Variants in ALK observed in about 807,000 individuals in gnomAD.
ALK encodes ALK tyrosine kinase receptor.
A neutral mutation model predicts 163.1 loss-of-function variants in ALK; 74 were observed. That is an observed-to-expected ratio of 0.45 (90% CI 0.38 to 0.55). The LOEUF is 0.55. Ranked by LOEUF, ALK falls within the 20% of genes least tolerant of loss-of-function variation. ALK has a pLI of 0.00. For missense variants in ALK, 2,063 were observed against 2,105.3 expected (o/e 0.98, Z 0.39); for synonymous variants, 960 against 843.2 (o/e 1.14, Z -2.40).
chr2:29,708,579 ACT>A (rs1403265287), intron 2 of ALK, among the ~76,000 whole-genome samples: 4 of 151,966 alleles, frequency 2.6e-5, no homozygotes, highest in Non-Finnish European at 5.9e-5. Context: ...GGGCAGCAAA[ACT>A]CTGCTGGGCT....
At chr2:29,502,411 C>T (rs1016220032) in intron 4 of ALK, among the ~76,000 whole-genome samples, 3 of 152,162 alleles carry the variant, frequency 2.0e-5, no homozygotes, top group Admixed American at 6.5e-5. Flanking sequence ...CTCTTGAAAT[C>T]CTTCTCTTGA....
intron 1 of ALK, among the ~76,000 whole-genome samples, chr2:29,859,597 T>A (rs1050504017): frequency 6.6e-6 from 1 of 151,584 alleles, no homozygotes; most frequent in Non-Finnish European, 1.5e-5. Flanking sequence ...GTGAAGGTAA[T>A]GGCAGAGAAA....
intron 3 of ALK, among the ~76,000 whole-genome samples, chr2:29,650,715 C>A (rs1558425866): frequency 1.3e-5 from 2 of 152,054 alleles, no homozygotes; most frequent in Non-Finnish European, 1.5e-5. Flanking sequence ...ATGAGGTCTC[C>A]GTGTTAACAG....
chr2:29,878,315 G>A (rs1194072381), intron 1 of ALK, among the ~76,000 whole-genome samples: 1 of 152,160 alleles, frequency 6.6e-6, no homozygotes, highest in African/African-American at 2.4e-5. Flanking sequence ...TCTCTAGGAG[G>A]TTGATTGAAA....
chr2:29,391,584 G>T (rs1317625412), intron 4 of ALK, among the ~76,000 whole-genome samples: 1 of 152,092 alleles, frequency 6.6e-6, no homozygotes, highest in African/African-American at 2.4e-5. Context: ...TGGGGTTACA[G>T]CCATGAGCCA....
chr2:29,514,930 A>C (rs1672622665), intron 4 of ALK, among the ~76,000 whole-genome samples: 1 of 152,156 alleles, frequency 6.6e-6, no homozygotes, highest in South Asian at 2.1e-4. Context: ...TTCCATCCTT[A>C]AACTCTACAT....
chr2:29,509,221 CT>C (rs1180610129), intron 4 of ALK, among the ~76,000 whole-genome samples: 1 of 152,130 alleles, frequency 6.6e-6, no homozygotes. Flanking sequence ...ACAATTCTAG[CT>C]TTGACCTTTT....
At chr2:29,892,763 T>C (rs565814835) in intron 1 of ALK, among the ~76,000 whole-genome samples, 16 of 152,292 alleles carry the variant, frequency 1.1e-4, no homozygotes, top group South Asian at 1.0e-3. Flanking sequence ...GCAATGAGAA[T>C]GCATCTTCTT....
At chr2:29,358,701 T>A (rs1668313894) in intron 5 of ALK, among the ~76,000 whole-genome samples, 1 of 152,206 alleles carries the variant, frequency 6.6e-6, no homozygotes, top group Non-Finnish European at 1.5e-5. Context: ...CATCTGCACC[T>A]CCAGAAAATA....
At position 29,232,459 on chromosome 2, in the gene ALK, G is replaced by T; in HGVS notation, c.2488-11C>A. On this transcript the variant is annotated splice_polypyrimidine_tract_variant and intron_variant, in intron 14 of 28. Transcript: ENST00000389048. ...CACTCCATCCTTCATCTGACCAGGG[G>T]AGACATTCAGACATTGAGAAACCGA... The T allele has an allele frequency of 6.2e-7, 1 of 1,614,212 alleles. No homozygotes were observed. The highest frequency in any genetic ancestry group is 8.5e-7 in the Non-Finnish European group (1 of 1,180,034).
At chr2:29,687,222 C>T (rs1402224765) in intron 3 of ALK, among the ~76,000 whole-genome samples, 1 of 151,898 alleles carries the variant, frequency 6.6e-6, no homozygotes, top group Non-Finnish European at 1.5e-5. Context: ...TGGGTATATT[C>T]CTGAGCCTGC....
chr2:29,195,347 C>T (rs1668996848), intron 28 of ALK, among the ~76,000 whole-genome samples: 1 of 152,126 alleles, frequency 6.6e-6, no homozygotes, highest in African/African-American at 2.4e-5. Flanking sequence ...AATGCCAGTT[C>T]ACTCACGTGA....
chr2:29,461,771 C>A (rs148853816), intron 4 of ALK, among the ~76,000 whole-genome samples: 1 of 151,996 alleles, frequency 6.6e-6, no homozygotes, highest in Admixed American at 6.6e-5. Flanking sequence ...CCATTGATCA[C>A]GAAGTAATTT....
chr2:29,731,266 GT>G (rs1382539355), intron 1 of ALK, among the ~76,000 whole-genome samples: 1 of 152,186 alleles, frequency 6.6e-6, no homozygotes, highest in Non-Finnish European at 1.5e-5. Context: ...AGCCTCATCT[GT>G]CATCATACAA....
chr2:29,197,445 T>C (rs2148142886), intron 27 of ALK, 97 bp downstream of exon 27: 1 of 1,569,602 alleles, frequency 6.4e-7, no homozygotes, highest in South Asian at 1.2e-5. Context: ...GGCAGCCATC[T>C]GCCCCTTCAT....
rs1041815458 is a variant in ALK, at chr2:29,246,995, T to A, written c.2204+4110A>T. Among the ~76,000 whole-genome samples the A allele has an allele frequency of 2.0e-5, 3 of 152,212 alleles. No individual in the cohort carries two copies. Among genetic ancestry groups the A allele is most frequent in the African/African-American group, 4.8e-5 (2 of 41,460 alleles). ...TCTCATCGGCAGTACCGACTTCTTG[T>A]GCTCACCGCAGGCTCTGGCCACCCG... On this transcript the variant is annotated intron_variant, in intron 12 of 28. Transcript: ENST00000389048. The surrounding 1 kb of genome is among the most constrained non-coding windows in gnomAD (Gnocchi z 4.3).
At chr2:29,668,803 T>A (rs1475612018) in intron 3 of ALK, among the ~76,000 whole-genome samples, 1 of 152,038 alleles carries the variant, frequency 6.6e-6, no homozygotes, top group Non-Finnish European at 1.5e-5. Flanking sequence ...GGACTCACAG[T>A]TTCACATGGC....
At position 29,227,148 on chromosome 2, in the gene ALK, A is replaced by G. The variant is rs1664027081; in HGVS notation, c.2915-74T>C. 1.2e-6 allele frequency: 2 copies of G among 1,603,654 alleles called. No individual in the cohort carries two copies. The highest frequency in any genetic ancestry group is 1.7e-6 in the Non-Finnish European group (2 of 1,171,616). The stretch of plus-strand genomic sequence containing the variant: ...CTCCCAGCCTCAGTACTATGTCTCC[A>G]GGTGGTCACTGTGGGTGCTCTGGTG... On this transcript the variant is annotated intron_variant, in intron 17 of 28. Transcript: ENST00000389048. This position sits in a 1 kb window ranked among gnomAD's most constrained non-coding sequence, Gnocchi z 4.4.
At chr2:29,703,223 T>C (rs140261201) in intron 2 of ALK, among the ~76,000 whole-genome samples, 9 of 152,354 alleles carry the variant, frequency 5.9e-5, no homozygotes, top group Non-Finnish European at 1.2e-4. Context: ...TCTCCAGTTA[T>C]CTTGACTTGA....
Sources: allele counts gnomAD v4.1 joint callset (sites outside exome capture counted in the v4.1 genomes callset), GRCh38; gene constraint gnomAD v4.1.1; non-coding constraint Gnocchi (gnomAD v3.1); transcripts MANE v1.5; gene names NCBI Gene and HGNC (gene_info 2026-07-23, HGNC 2026-07-21).